Variants in UVRAG observed in about 807,000 individuals in gnomAD.
UVRAG encodes the protein UV radiation resistance associated, also known as UV radiation resistance-associated gene protein.
UVRAG carries 19 observed loss-of-function variants against 78.0 expected under a neutral mutation model. The observed-to-expected ratio is 0.24, with a 90% confidence interval of 0.17 to 0.36. The LOEUF (loss-of-function observed/expected upper bound fraction) is 0.36, where lower values mean the gene tolerates loss of function less well. UVRAG is among the 10% of genes least tolerant of loss of function. The probability of loss-of-function intolerance (pLI) is 1.00; values close to 1 mark genes in which losing one functional copy is unlikely to be tolerated. For synonymous variants in UVRAG, 323 were observed against 324.6 expected (o/e 1.00, Z 0.05); for missense variants, 740 against 853.8 (o/e 0.87, Z 1.66).
intron 1 of UVRAG, among the ~76,000 whole-genome samples, chr11:75,832,882 C>T (rs989356314): frequency 4.6e-5 from 7 of 152,196 alleles, no homozygotes; most frequent in African/African-American, 1.7e-4. Flanking sequence ...CCAATTATTA[C>T]ATTATAACAA....
chr11:76,097,246 A>T (rs1951800940), intron 13 of UVRAG, among the ~76,000 whole-genome samples: 1 of 152,040 alleles, frequency 6.6e-6, no homozygotes, highest in Admixed American at 6.6e-5. Context: ...TGGAATTCAG[A>T]ACCTTGCTTA....
At chr11:75,856,525 G>T (rs10128619) in intron 2 of UVRAG, among the ~76,000 whole-genome samples, 1 of 151,428 alleles carries the variant, frequency 6.6e-6, no homozygotes, top group Non-Finnish European at 1.5e-5. Context: ...GCTCACTATA[G>T]CCTCAACCTT....
intron 6 of UVRAG, among the ~76,000 whole-genome samples, chr11:75,948,640 C>T (rs1162601128): frequency 6.6e-6 from 1 of 152,100 alleles, no homozygotes; most frequent in African/African-American, 2.4e-5. Context: ...ATGTAGATCA[C>T]GCCTTTTTAG....
intron 6 of UVRAG, among the ~76,000 whole-genome samples, chr11:75,934,216 T>G (rs1205417299): frequency 6.6e-6 from 1 of 152,200 alleles, no homozygotes; most frequent in Non-Finnish European, 1.5e-5. Flanking sequence ...GAGGTCATAA[T>G]GTTATGTGAA....
At chr11:76,037,911 A>C (rs752625544) in intron 12 of UVRAG, among the ~76,000 whole-genome samples, 2 of 152,162 alleles carry the variant, frequency 1.3e-5, no homozygotes, top group African/African-American at 4.8e-5. Flanking sequence ...CGGCCCTCTC[A>C]ATCTGCAGAT....
intron 6 of UVRAG, among the ~76,000 whole-genome samples, chr11:75,932,309 G>A (rs568014224): frequency 1.0e-3 from 152 of 149,696 alleles, no homozygotes; most frequent in African/African-American, 3.5e-3. Flanking sequence ...TTATTGAGAT[G>A]GAGTCTCACT....
chr11:76,051,434 T>C (rs1325224446), intron 12 of UVRAG, among the ~76,000 whole-genome samples: 1 of 152,178 alleles, frequency 6.6e-6, no homozygotes, highest in Non-Finnish European at 1.5e-5. Context: ...TTTACTCTGT[T>C]CACTGAAATT....
intron 8 of UVRAG, among the ~76,000 whole-genome samples, chr11:75,996,378 C>T (rs1591110028): frequency 6.6e-6 from 1 of 151,990 alleles, no homozygotes; most frequent in Non-Finnish European, 1.5e-5. Flanking sequence ...TTCATTTATT[C>T]ATAATTTGTG....
chr11:76,131,642 AT>A (rs1290868009), intron 14 of UVRAG, among the ~76,000 whole-genome samples: 1 of 152,278 alleles, frequency 6.6e-6, no homozygotes, highest in East Asian at 1.9e-4. Flanking sequence ...ATTGGCACAG[AT>A]TTCAGCCTGT....
chr11:76,054,108 CT>C (rs765345576), intron 12 of UVRAG, among the ~76,000 whole-genome samples: 4 of 152,116 alleles, frequency 2.6e-5, no homozygotes, highest in Non-Finnish European at 5.9e-5. Context: ...CACTTCACCC[CT>C]CACACTCTTT....
chr11:75,947,354 AAGAGAAGGGGATTATGC>A (rs1948605377), intron 6 of UVRAG, among the ~76,000 whole-genome samples: 2 of 152,180 alleles, frequency 1.3e-5, no homozygotes, highest in South Asian at 4.1e-4. Flanking sequence ...GCTAATAACC[AAGAGAAGGGGATTATGC>A]AGAGAATGGG....
intron 2 of UVRAG, among the ~76,000 whole-genome samples, chr11:75,857,373 G>A (rs377255400): frequency 6.6e-6 from 1 of 152,178 alleles, no homozygotes; most frequent in East Asian, 1.9e-4. Context: ...GCTGTTGCTT[G>A]AATGCATTGG....
At chr11:75,827,910 G>A (rs1945551732) in intron 1 of UVRAG, among the ~76,000 whole-genome samples, 1 of 148,346 alleles carries the variant, frequency 6.7e-6, no homozygotes, top group Non-Finnish European at 1.5e-5. Flanking sequence ...TTTTTTTAAC[G>A]TTGTCTCCTT....
At chr11:76,005,109 C>T (rs556235303) in intron 9 of UVRAG, among the ~76,000 whole-genome samples, 2 of 152,064 alleles carry the variant, frequency 1.3e-5, no homozygotes, top group South Asian at 2.1e-4. Context: ...TTTGGGAGGC[C>T]GAGGCAGGCA....
rs188550023 is a variant in UVRAG at position 75,853,986 on chromosome 11, T to C, written c.235+1986T>C. On this transcript the variant is annotated intron_variant, in intron 2 of 14. Coordinates refer to ENST00000356136, the MANE Select transcript of UVRAG (RefSeq NM_003369.4). The stretch of plus-strand genomic sequence containing the variant: ...CAGGGTTTCGTCATGTTGGCCAGGC[T>C]GGTCTTGAACTCCTGACCTCAGGTG... Among the ~76,000 whole-genome samples the C allele has an allele frequency of 4.8e-3, 723 of 152,102 alleles. 5 individuals are homozygous for C. The highest frequency in any genetic ancestry group is 8.4e-3 in the Non-Finnish European group (573 of 67,982).
intron 12 of UVRAG, among the ~76,000 whole-genome samples, chr11:76,040,924 AG>A (rs1950637465): frequency 6.6e-6 from 1 of 152,186 alleles, no homozygotes; most frequent in East Asian, 1.9e-4. Context: ...GCAGACAAGG[AG>A]GGTTTGGTTG....
chr11:75,852,496 A>G (rs1339838868), intron 2 of UVRAG, among the ~76,000 whole-genome samples: 5 of 152,166 alleles, frequency 3.3e-5, no homozygotes, highest in Admixed American at 6.5e-5. Flanking sequence ...AGTAGACCAA[A>G]TATTTGATTA....
At chr11:75,964,255 C>T (rs543247796) in intron 7 of UVRAG, among the ~76,000 whole-genome samples, 1 of 152,104 alleles carries the variant, frequency 6.6e-6, no homozygotes, top group South Asian at 2.1e-4. Context: ...TGACGTTGGC[C>T]GCAACTCACT....
intron 7 of UVRAG, among the ~76,000 whole-genome samples, chr11:75,969,785 T>C (rs1318956204): frequency 2.0e-5 from 3 of 152,166 alleles, no homozygotes; most frequent in Non-Finnish European, 4.4e-5. Flanking sequence ...TTTTAATACA[T>C]TGCCAAAAAT....
Sources: gnomAD v4.1 joint callset for allele counts (sites outside exome capture counted in the v4.1 genomes callset) on GRCh38, gnomAD v4.1.1 for gene constraint, MANE v1.5 for transcripts, NCBI Gene and HGNC (gene_info 2026-07-23, HGNC 2026-07-21) for gene names.